PTPRD: variants seen among roughly 807,000 people sequenced by gnomAD.
PTPRD encodes the protein receptor-type tyrosine-protein phosphatase delta.
A neutral mutation model predicts 214.5 loss-of-function variants in PTPRD; 34 were observed. The observed-to-expected ratio is 0.16, with a 90% CI of 0.12 to 0.21. PTPRD has a LOEUF of 0.21. Among genes scored for constraint, PTPRD ranks in the 10% least tolerant of loss-of-function variants. The pLI is 1.00. For synonymous variants in PTPRD, 1,128 were observed against 845.7 expected (o/e 1.33, Z -5.79); for missense variants, 2,545 against 2,398.7 (o/e 1.06, Z -1.27).
rs774770246 is a variant in PTPRD at position 8,368,870 on chromosome 9, G to A, written c.4661+7066C>T. ...GTATGAAAACAGAATCTGGCATAAT[G>A]GGTTCCACATGGCATAATTATTTTT... On this transcript the variant is annotated intron_variant, in intron 39 of 45. Coordinates refer to ENST00000381196, the MANE Select transcript of PTPRD (RefSeq NM_002839.4). 3.4e-4 allele frequency among the ~76,000 whole-genome samples: 52 copies of A among 151,892 alleles called. 1 individual carries two copies. Among genetic ancestry groups the A allele is most frequent in the Admixed American group, 3.4e-3 (52 of 15,242 alleles).
intron 7 of PTPRD, among the ~76,000 whole-genome samples, chr9:9,615,606 G>A (rs1489149357): frequency 6.6e-6 from 1 of 152,004 alleles, no homozygotes; most frequent in East Asian, 1.9e-4. Flanking sequence ...CCTACTGTAT[G>A]GTTTCTATCT....
At chr9:9,306,683 G>C (rs954572534) in intron 9 of PTPRD, among the ~76,000 whole-genome samples, 2 of 150,952 alleles carry the variant, frequency 1.3e-5, no homozygotes, top group Admixed American at 6.6e-5. Flanking sequence ...CATTATTTAT[G>C]AAAGAAAATG....
intron 14 of PTPRD, among the ~76,000 whole-genome samples, chr9:8,596,169 T>C (rs1184062980): frequency 6.6e-6 from 1 of 151,980 alleles, no homozygotes; most frequent in Non-Finnish European, 1.5e-5. Context: ...AGATATAAAA[T>C]ACAAGAAAAA....
At chr9:10,558,512 G>C (rs1450887253) in intron 2 of PTPRD, among the ~76,000 whole-genome samples, 2 of 152,012 alleles carry the variant, frequency 1.3e-5, no homozygotes, top group Non-Finnish European at 2.9e-5. Flanking sequence ...TCTCCAGCTT[G>C]AGAACACAGT....
intron 7 of PTPRD, among the ~76,000 whole-genome samples, chr9:9,724,178 A>T (rs2098030095): frequency 6.6e-6 from 1 of 152,114 alleles, no homozygotes; most frequent in South Asian, 2.1e-4. Flanking sequence ...AGAAAATGTG[A>T]ATTGTACATT....
chr9:8,548,347 G>C (rs1178681507), intron 14 of PTPRD, among the ~76,000 whole-genome samples: 1 of 151,954 alleles, frequency 6.6e-6, no homozygotes, highest in Non-Finnish European at 1.5e-5. Flanking sequence ...TCATGTGTTA[G>C]GTTGTATATG....
At chr9:9,605,661 G>C (rs901286681) in intron 7 of PTPRD, among the ~76,000 whole-genome samples, 1 of 152,058 alleles carries the variant, frequency 6.6e-6, no homozygotes, top group Admixed American at 6.6e-5. Flanking sequence ...GGATGAACTA[G>C]AAGTTGAGAC....
chr9:10,336,970 C>A (rs1004259226), intron 3 of PTPRD, among the ~76,000 whole-genome samples: 6 of 151,536 alleles, frequency 4.0e-5, no homozygotes, highest in Non-Finnish European at 7.4e-5. Flanking sequence ...AATATCCATT[C>A]AAGGTCGTAG....
intron 3 of PTPRD, among the ~76,000 whole-genome samples, chr9:10,276,424 A>G (rs1327522363): frequency 6.6e-6 from 1 of 152,234 alleles, no homozygotes; most frequent in Non-Finnish European, 1.5e-5. Flanking sequence ...AACTAATTTC[A>G]GCCATTTGAG....
At chr9:8,824,188 T>G (rs994165888) in intron 11 of PTPRD, among the ~76,000 whole-genome samples, 1 of 152,220 alleles carries the variant, frequency 6.6e-6, no homozygotes, top group Non-Finnish European at 1.5e-5. Flanking sequence ...TTAGAATGCC[T>G]TAATCGTCTG....
At chr9:9,073,742 C>G (rs1191764131) in intron 10 of PTPRD, among the ~76,000 whole-genome samples, 1 of 152,148 alleles carries the variant, frequency 6.6e-6, no homozygotes, top group African/African-American at 2.4e-5. Flanking sequence ...TAAAATAAAT[C>G]TCTGTATATA....
chr9:9,156,881 T>C (rs957970052), intron 10 of PTPRD, among the ~76,000 whole-genome samples: 1 of 152,188 alleles, frequency 6.6e-6, no homozygotes, highest in African/African-American at 2.4e-5. Context: ...AAATAAGTAA[T>C]GAGGCCTCTC....
At chr9:10,391,725 G>A (rs1049374785) in intron 2 of PTPRD, among the ~76,000 whole-genome samples, 2 of 151,648 alleles carry the variant, frequency 1.3e-5, no homozygotes, top group African/African-American at 2.4e-5. Flanking sequence ...CAGCAAGAGT[G>A]GTCTCTTCCA....
In PTPRD at chr9:10,279,069, T is replaced by C. The variant is rs189726071; in HGVS notation, c.-545+61894A>G. Among the ~76,000 whole-genome samples the C allele has an allele frequency of 9.1e-3, 1,381 of 152,208 alleles. 24 individuals are homozygous for C. Among genetic ancestry groups the C allele is most frequent in the African/African-American group, 0.026 (1,087 of 41,550 alleles). On this transcript the variant is annotated intron_variant, in intron 3 of 45. Coordinates refer to ENST00000381196, the MANE Select transcript of PTPRD (RefSeq NM_002839.4). ...GCTCACAGGCCTGAGCCACCGCGCC[T>C]GGCCCCATGTATGGTAAAAGTTTTT...
intron 3 of PTPRD, among the ~76,000 whole-genome samples, chr9:10,087,120 C>G (rs1047215120): frequency 7.0e-6 from 1 of 142,928 alleles, no homozygotes; most frequent in South Asian, 2.2e-4. Flanking sequence ...CTTGATTTTT[C>G]TCAAATATGT....
intron 2 of PTPRD, among the ~76,000 whole-genome samples, chr9:10,511,300 G>A (rs994223720): frequency 2.0e-5 from 3 of 152,092 alleles, no homozygotes; most frequent in Non-Finnish European, 4.4e-5. Flanking sequence ...GGGATTGCCA[G>A]GTCAGAAGAT....
Position 8,452,379 on chromosome 9 carries a change from G to A in PTPRD, c.3876-2542C>T, listed in dbSNP as rs545026942. 2.1e-4 allele frequency among the ~76,000 whole-genome samples: 32 copies of A among 152,276 alleles called. 1 individual carries two copies. The South Asian group carries it at 6.0e-3, about 29-fold the overall frequency. On this transcript the variant is annotated intron_variant, in intron 33 of 45. Transcript: ENST00000381196. ...CATTTCTAGGAAAGATGTGGAAGATGAAGAGTTTGGTCATCATTGGTAATA... is the reference window on the plus strand; with the variant it reads ...CATTTCTAGGAAAGATGTGGAAGATAAAGAGTTTGGTCATCATTGGTAATA...
intron 11 of PTPRD, among the ~76,000 whole-genome samples, chr9:8,979,315 G>A (rs2099292112): frequency 6.6e-6 from 1 of 151,992 alleles, no homozygotes; most frequent in Non-Finnish European, 1.5e-5. Context: ...AAAGTCTATT[G>A]GACATTGGGC....
intron 33 of PTPRD, among the ~76,000 whole-genome samples, chr9:8,454,191 T>C (rs1306875907): frequency 6.6e-6 from 1 of 152,182 alleles, no homozygotes; most frequent in Non-Finnish European, 1.5e-5. Flanking sequence ...AGGTGATCTG[T>C]ACTCAAACTT....
Sources: gnomAD v4.1 joint callset for allele counts (sites outside exome capture counted in the v4.1 genomes callset) on GRCh38, gnomAD v4.1.1 for gene constraint, MANE v1.5 for transcripts, NCBI Gene and HGNC (gene_info 2026-07-23, HGNC 2026-07-21) for gene names.